Variants in HIBADH observed in about 807,000 individuals in gnomAD.
The protein encoded by HIBADH is 3-hydroxyisobutyrate dehydrogenase, mitochondrial.
Under a neutral mutation model 36.1 loss-of-function variants are expected in HIBADH, and 25 were observed. That is an observed-to-expected ratio of 0.69 (90% CI 0.50 to 0.97). The LOEUF is 0.97. Among genes scored for constraint, HIBADH ranks in the 50% least tolerant of loss-of-function variants. HIBADH has a pLI of 0.00. For synonymous variants in HIBADH, 160 were observed against 149.5 expected (o/e 1.07, Z -0.51); for missense variants, 421 against 418.0 (o/e 1.01, Z -0.06).
At chr7:27,620,394 A>C (rs6966091) in intron 4 of HIBADH, among the ~76,000 whole-genome samples, 120,627 of 151,920 alleles carry the variant, frequency 0.79, 48,286 homozygotes, top group East Asian at 0.97. Flanking sequence ...GGACCCCCAT[A>C]AGACTAACAG....
intron 4 of HIBADH, among the ~76,000 whole-genome samples, chr7:27,553,488 TCA>T (rs2128185761): frequency 6.6e-6 from 1 of 152,260 alleles, no homozygotes; most frequent in Admixed American, 6.5e-5. Context: ...CAGATAAATA[TCA>T]CAATAGACCT....
intron 3 of HIBADH, among the ~76,000 whole-genome samples, chr7:27,631,256 C>CA (rs1011175855): frequency 6.6e-6 from 1 of 152,184 alleles, no homozygotes; most frequent in Non-Finnish European, 1.5e-5. Flanking sequence ...CTGGACCACA[C>CA]ACACTGTGGC....
At chr7:27,554,859 T>C (rs1453172938) in intron 4 of HIBADH, among the ~76,000 whole-genome samples, 1 of 152,152 alleles carries the variant, frequency 6.6e-6, no homozygotes, top group African/African-American at 2.4e-5. Context: ...ATGTGGACTC[T>C]CATATTTTGG....
chr7:27,660,777 T>G (rs906040516), intron 1 of HIBADH, among the ~76,000 whole-genome samples: 1 of 152,174 alleles, frequency 6.6e-6, no homozygotes, highest in African/African-American at 2.4e-5. Context: ...CAATTACCTT[T>G]GGGCCAAAGA....
At chr7:27,657,939 GATA>G (rs1199067940) in intron 1 of HIBADH, among the ~76,000 whole-genome samples, 1 of 152,122 alleles carries the variant, frequency 6.6e-6, no homozygotes, top group Non-Finnish European at 1.5e-5. Flanking sequence ...GCACACGATT[GATA>G]ATAAGTATTA....
intron 4 of HIBADH, among the ~76,000 whole-genome samples, chr7:27,565,799 A>G (rs1251503213): frequency 6.6e-6 from 1 of 152,048 alleles, no homozygotes. Flanking sequence ...ACATGCCTTT[A>G]TCAGTTTTAG....
chr7:27,563,987 C>G (rs1784503599), intron 4 of HIBADH, among the ~76,000 whole-genome samples: 1 of 151,412 alleles, frequency 6.6e-6, no homozygotes, highest in South Asian at 2.1e-4. Flanking sequence ...TAAGCTCTGC[C>G]TCCCGGATTC....
intron 4 of HIBADH, among the ~76,000 whole-genome samples, chr7:27,614,738 A>C (rs949306460): frequency 1.3e-5 from 2 of 152,224 alleles, no homozygotes; most frequent in Non-Finnish European, 2.9e-5. Context: ...CCATTAAACT[A>C]AAACATGTTA....
intron 7 of HIBADH, among the ~76,000 whole-genome samples, chr7:27,529,916 C>T (rs1265933227): frequency 6.6e-6 from 1 of 152,206 alleles, no homozygotes; most frequent in Non-Finnish European, 1.5e-5. Flanking sequence ...AATCACCATT[C>T]ATCAACCTCA....
At chr7:27,644,802 T>C (rs1353048739) in intron 2 of HIBADH, among the ~76,000 whole-genome samples, 1 of 151,858 alleles carries the variant, frequency 6.6e-6, no homozygotes, top group Non-Finnish European at 1.5e-5. Flanking sequence ...ACGCATTAGC[T>C]ATCATTCCTC....
chr7:27,563,900 CT>C (rs56869443), intron 4 of HIBADH, among the ~76,000 whole-genome samples: 36 of 133,478 alleles, frequency 2.7e-4, no homozygotes, highest in Non-Finnish European at 3.3e-4. Flanking sequence ...TGTTAATTTT[CT>C]TTTTTTTTTT....
intron 7 of HIBADH, among the ~76,000 whole-genome samples, chr7:27,530,118 T>G (rs1348622879): frequency 1.3e-5 from 2 of 152,192 alleles, no homozygotes; most frequent in Non-Finnish European, 1.5e-5. Context: ...ACCAAAAAAT[T>G]TGTGTGACTT....
intron 1 of HIBADH, among the ~76,000 whole-genome samples, chr7:27,652,549 T>C (rs141749109): frequency 9.3e-4 from 141 of 152,362 alleles, no homozygotes; most frequent in African/African-American, 2.9e-3. Context: ...TTTGAGCTAC[T>C]ATAACAAATA....
intron 4 of HIBADH, among the ~76,000 whole-genome samples, chr7:27,558,601 G>T (rs1784425764): frequency 6.6e-6 from 1 of 152,132 alleles, no homozygotes; most frequent in East Asian, 1.9e-4. Flanking sequence ...GGAGGCTGAG[G>T]CAAGAGGATT....
chr7:27,552,590 C>G (rs938824515), intron 4 of HIBADH, among the ~76,000 whole-genome samples: 8 of 152,180 alleles, frequency 5.3e-5, no homozygotes, highest in Non-Finnish European at 1.0e-4. Flanking sequence ...CTTTACATAA[C>G]GCAGACAGTC....
chr7:27,571,285 T>A (rs1784624996), intron 4 of HIBADH, among the ~76,000 whole-genome samples: 1 of 152,122 alleles, frequency 6.6e-6, no homozygotes, highest in Non-Finnish European at 1.5e-5. Context: ...TGCAATGGTG[T>A]GATCTTGGTC....
At chr7:27,653,148 A>G (rs1408115234) in intron 1 of HIBADH, among the ~76,000 whole-genome samples, 4 of 152,126 alleles carry the variant, frequency 2.6e-5, no homozygotes, top group African/African-American at 9.7e-5. Flanking sequence ...AAAAAAAGGA[A>G]TTCAACATAT....
At chr7:27,595,423 C>T (rs991898283) in intron 4 of HIBADH, among the ~76,000 whole-genome samples, 2 of 152,134 alleles carry the variant, frequency 1.3e-5, no homozygotes, top group African/African-American at 2.4e-5. Flanking sequence ...GAGGCTGAGG[C>T]ATGAGAATCA....
At chr7:27,621,218 C>A (rs1237306308) in intron 4 of HIBADH, among the ~76,000 whole-genome samples, 3 of 151,972 alleles carry the variant, frequency 2.0e-5, no homozygotes, top group Non-Finnish European at 2.9e-5. Context: ...CACTGGAGCA[C>A]CCAGATTCAT....
Sources: gnomAD v4.1 joint callset for allele counts (sites outside exome capture counted in the v4.1 genomes callset) on GRCh38, gnomAD v4.1.1 for gene constraint, MANE v1.5 for transcripts, NCBI Gene and HGNC (gene_info 2026-07-23, HGNC 2026-07-21) for gene names.